RELN: variants seen among roughly 807,000 people sequenced by gnomAD.
RELN encodes reelin.
Under a neutral mutation model 427.6 loss-of-function variants are expected in RELN, and 108 were observed. The observed-to-expected ratio is 0.25, with a 90% CI of 0.22 to 0.30. The LOEUF (loss-of-function observed/expected upper bound fraction) is 0.30, where lower values mean the gene tolerates loss of function less well. RELN is among the 10% of genes least tolerant of loss of function. The pLI is 1.00. For missense variants in RELN, 3,715 were observed against 4,302.8 expected (o/e 0.86, Z 3.82); for synonymous variants, 1,524 against 1,513.4 (o/e 1.01, Z -0.16).
chr7:103,856,305 C>A (rs1214305488), intron 2 of RELN, among the ~76,000 whole-genome samples: 1 of 151,880 alleles, frequency 6.6e-6, no homozygotes, highest in Admixed American at 6.6e-5. Context: ...GGGCTGGGCG[C>A]GGTGGCTCAC....
intron 2 of RELN, among the ~76,000 whole-genome samples, chr7:103,861,297 T>C (rs1794066401): frequency 2.0e-5 from 3 of 152,082 alleles, no homozygotes. Flanking sequence ...ACTAATAGGC[T>C]CTTGGGGTTC....
At chr7:103,819,315 A>G (rs1792959706) in intron 3 of RELN, among the ~76,000 whole-genome samples, 1 of 152,118 alleles carries the variant, frequency 6.6e-6, no homozygotes, top group African/African-American at 2.4e-5. Context: ...TCTAACCCAA[A>G]TGTGAAATAC....
rs1197008426 is a variant in RELN at position 103,573,271 on chromosome 7, G to GA, written c.4511+820dup. Among the ~76,000 whole-genome samples, 1 of 152,176 alleles carries GA rather than the reference G, an allele frequency of 6.6e-6. No homozygotes were observed. Among genetic ancestry groups the GA allele is most frequent in the African/African-American group, 2.4e-5 (1 of 41,448 alleles). On this transcript the variant is annotated intron_variant, in intron 30 of 64. Coordinates refer to ENST00000428762, the MANE Select transcript of RELN (RefSeq NM_005045.4). This position sits in a 1 kb window ranked among gnomAD's most constrained non-coding sequence, Gnocchi z 4.4. ...GAGGAAAAATCTAACTTAAGAAGCT[G>GA]AATACCATATTTGTTTAGAGTCAGA...
At chr7:103,855,175 G>T (rs1011244266) in intron 2 of RELN, among the ~76,000 whole-genome samples, 1 of 152,204 alleles carries the variant, frequency 6.6e-6, no homozygotes, top group Non-Finnish European at 1.5e-5. Flanking sequence ...ATTCTCTTGG[G>T]AAGTTTGTTG....
intron 4 of RELN, among the ~76,000 whole-genome samples, chr7:103,773,130 TTCTTTCTTTC>T (rs1457716073): frequency 1.0e-5 from 1 of 98,058 alleles, no homozygotes; most frequent in Admixed American, 1.1e-4. Flanking sequence ...CTTTCTTTCT[TTCTTTCTTTC>T]TTTCTTTCTT....
chr7:103,846,635 C>T (rs1793684311), intron 2 of RELN, among the ~76,000 whole-genome samples: 1 of 152,128 alleles, frequency 6.6e-6, no homozygotes, highest in African/African-American at 2.4e-5. Context: ...TCAGAGTGAA[C>T]AGACAACCTA....
At chr7:103,888,915 C>T (rs1475847266) in intron 2 of RELN, among the ~76,000 whole-genome samples, 3 of 152,158 alleles carry the variant, frequency 2.0e-5, no homozygotes, top group Admixed American at 6.5e-5. Flanking sequence ...CACTTATCAT[C>T]CTGGATTTCT....
intron 2 of RELN, among the ~76,000 whole-genome samples, chr7:103,880,467 G>A (rs1464129519): frequency 1.3e-5 from 2 of 152,078 alleles, no homozygotes; most frequent in Non-Finnish European, 2.9e-5. Context: ...TATATTCAAT[G>A]TCCAGTTCAT....
chr7:103,637,513 G>C (rs1337913809), intron 17 of RELN, among the ~76,000 whole-genome samples: 1 of 152,142 alleles, frequency 6.6e-6, no homozygotes, highest in African/African-American at 2.4e-5. Flanking sequence ...CAAATGACCA[G>C]TTTTATGTAT....
chr7:103,712,754 T>C (rs975718256), intron 8 of RELN, among the ~76,000 whole-genome samples: 1 of 152,234 alleles, frequency 6.6e-6, no homozygotes, highest in Non-Finnish European at 1.5e-5. Context: ...ATGTTTTTTG[T>C]AATATGAAAT....
At chr7:103,554,569 C>CAAAAAA (rs56319660) in intron 38 of RELN, among the ~76,000 whole-genome samples, 2 of 103,314 alleles carry the variant, frequency 1.9e-5, no homozygotes, top group Middle Eastern at 4.9e-3. Context: ...GATGCTGTCT[C>CAAAAAA]AAAAAAAAAA....
chr7:103,870,318 T>C (rs1202288591), intron 2 of RELN, among the ~76,000 whole-genome samples: 7 of 152,122 alleles, frequency 4.6e-5, no homozygotes, highest in Non-Finnish European at 4.4e-5. Flanking sequence ...ATATTATTAA[T>C]GATACAATGT....
intron 1 of RELN, among the ~76,000 whole-genome samples, chr7:103,948,210 T>C (rs970908980): frequency 2.0e-5 from 3 of 152,218 alleles, no homozygotes; most frequent in African/African-American, 4.8e-5. Context: ...TACCTACTTG[T>C]ATTTTGTTTA....
intron 12 of RELN, among the ~76,000 whole-genome samples, chr7:103,658,739 C>T (rs535965273): frequency 6.6e-6 from 1 of 152,082 alleles, no homozygotes; most frequent in South Asian, 2.1e-4. Context: ...GCTTTCCAGG[C>T]ACCACACCAT....
intron 3 of RELN, among the ~76,000 whole-genome samples, chr7:103,811,909 A>G (rs958257026): frequency 6.6e-6 from 1 of 152,226 alleles, no homozygotes. Flanking sequence ...AATCTATCCA[A>G]TGAATGATAT....
In RELN at chr7:103,744,978, A is replaced by G. The variant is rs187667142; in HGVS notation, c.656+4448T>C. 1.7e-3 allele frequency among the ~76,000 whole-genome samples: 254 copies of G among 152,328 alleles called. 1 individual carries two copies. Among genetic ancestry groups the G allele is most frequent in the African/African-American group, 5.9e-3 (246 of 41,558 alleles). ...ACACAACCAAAAAAGATAATTTTAGACCAATATCCTTGATGAACATCGATG... is the reference window on the plus strand; with the variant it reads ...ACACAACCAAAAAAGATAATTTTAGGCCAATATCCTTGATGAACATCGATG... On this transcript the variant is annotated intron_variant, in intron 6 of 64. Coordinates refer to ENST00000428762, the MANE Select transcript of RELN (RefSeq NM_005045.4).
chr7:103,528,965 G>T lies in RELN; in HGVS notation c.7350-5434C>A, dbSNP rs934379980. 3.3e-5 allele frequency among the ~76,000 whole-genome samples: 5 copies of T among 151,506 alleles called. No individual in the cohort carries two copies. The East Asian group carries it at 9.8e-4, about 30-fold the overall frequency. ...ATCCTGGCCAACATGGTGAAACCCC[G>T]TCTCTACTAAAAATACAAAAATTAG... On this transcript the variant is annotated intron_variant, in intron 46 of 64. Transcript: ENST00000428762.
chr7:103,830,839 G>C (rs1414311834), intron 3 of RELN, among the ~76,000 whole-genome samples: 1 of 151,934 alleles, frequency 6.6e-6, no homozygotes, highest in African/African-American at 2.4e-5. Flanking sequence ...CATTATCATG[G>C]CTTATGAGAA....
chr7:103,848,568 C>T (rs1039352093), intron 2 of RELN, among the ~76,000 whole-genome samples: 2 of 152,148 alleles, frequency 1.3e-5, no homozygotes, highest in African/African-American at 4.8e-5. Flanking sequence ...GAATACTGAT[C>T]TCGCCATACT....
Sources: allele counts gnomAD v4.1 joint callset (sites outside exome capture counted in the v4.1 genomes callset), GRCh38; gene constraint gnomAD v4.1.1; non-coding constraint Gnocchi (gnomAD v3.1); transcripts MANE v1.5; gene names NCBI Gene and HGNC (gene_info 2026-07-23, HGNC 2026-07-21).